Variants in MICALL1 observed in about 807,000 individuals in gnomAD.
MICALL1 encodes MICAL-like protein 1.
In MICALL1, 61 loss-of-function variants were observed where a neutral mutation model predicts 83.7. That is an observed-to-expected ratio of 0.73 (90% CI 0.59 to 0.90). The LOEUF (loss-of-function observed/expected upper bound fraction) is 0.90, where lower values mean the gene tolerates loss of function less well. Ranked by LOEUF, MICALL1 falls within the 40% of genes least tolerant of loss-of-function variation. MICALL1 has a pLI of 0.00. For missense variants in MICALL1, 1,066 were observed against 1,152.0 expected, an observed-to-expected ratio of 0.93 and a Z score of 1.08; for synonymous variants, 481 against 473.6, an observed-to-expected ratio of 1.02 and a Z score of -0.20.
intron 6 of MICALL1, among the ~76,000 whole-genome samples, chr22:37,923,390 C>G (rs528901132): frequency 2.6e-5 from 4 of 151,534 alleles, no homozygotes; most frequent in African/African-American, 4.8e-5. Flanking sequence ...CTATGTCTGG[C>G]TAATTTTTGT....
chr22:37,917,780 A>T lies in MICALL1; in HGVS notation c.411A>T (p.Pro137=), dbSNP rs140198916. 7.6e-4 allele frequency: 1,229 copies of T among 1,613,768 alleles called. 8 individuals carry two copies. In the African/African-American group the frequency reaches 0.015, roughly 20 times the overall value. The change falls in exon 4 of 16, where the codon CCA becomes CCT. Residue 137 remains proline (P), a synonymous_variant. Coordinates refer to ENST00000215957, the MANE Select transcript of MICALL1 (RefSeq NM_033386.4). ...CTGTAGCACCCACTCCAGTGGAACCAGAAGATGTGGCTCAGGTAGGCAGAT... is the reference window on the plus strand; with the variant it reads ...CTGTAGCACCCACTCCAGTGGAACCTGAAGATGTGGCTCAGGTAGGCAGAT... ...PPSVAPTPVE[P]EDVAQGEELS...
At chr22:37,918,452 G>C (rs1928813184) in intron 4 of MICALL1, among the ~76,000 whole-genome samples, 1 of 152,214 alleles carries the variant, frequency 6.6e-6, no homozygotes, top group Non-Finnish European at 1.5e-5. Flanking sequence ...GCTAGCCCCA[G>C]GGTGGGTGCT....
rs1290458946 is a variant in MICALL1, at chr22:37,932,547, G to C, written c.2017-6G>C. On this transcript the variant is annotated splice_region_variant and splice_polypyrimidine_tract_variant and intron_variant, in intron 10 of 15. Coordinates refer to ENST00000215957, the MANE Select transcript of MICALL1 (RefSeq NM_033386.4). This position sits in a 1 kb window ranked among gnomAD's most constrained non-coding sequence, Gnocchi z 4.4. ...GGCCGTCAGGTGACCAGGCACTGTTGGGCAGGTCCAGGCTGACCAGTACAT... is the reference window on the plus strand; with the variant it reads ...GGCCGTCAGGTGACCAGGCACTGTTCGGCAGGTCCAGGCTGACCAGTACAT... 3.7e-6 allele frequency: 6 copies of C among 1,613,784 alleles called. No individual in the cohort carries two copies. The East Asian group carries it at 1.3e-4, about 36-fold the overall frequency.
At chr22:37,915,320 AC>A (rs1399674544) in intron 3 of MICALL1, among the ~76,000 whole-genome samples, 2 of 152,208 alleles carry the variant, frequency 1.3e-5, no homozygotes, top group African/African-American at 2.4e-5. Context: ...AATGTCTTAT[AC>A]CCCTTCCCCC....
At position 37,925,882 on chromosome 22, in the gene MICALL1, A is replaced by G; in HGVS notation, c.1304A>G (p.Glu435Gly). 1 of 1,613,518 alleles carries G rather than the reference A, an allele frequency of 6.2e-7. No individual in the cohort carries two copies. Among genetic ancestry groups the G allele is most frequent in the Non-Finnish European group, 8.5e-7 (1 of 1,179,790 alleles). Reference protein sequence around the residue: ...NPFEEEEEDKEEEAPAAPSLA... With the variant: ...NPFEEEEEDKGEEAPAAPSLA... ...TTTGAGGAGGAGGAGGAGGACAAGGAGGAAGAGGCTCCAGCTGCACCCAGC... is the reference window on the plus strand; with the variant it reads ...TTTGAGGAGGAGGAGGAGGACAAGGGGGAAGAGGCTCCAGCTGCACCCAGC... Residue 435 changes from glutamate to glycine, a missense_variant, in exon 8 of 16, where the codon GAG (glutamate) becomes GGG (glycine). Glu to Gly is a moderately conservative substitution (Grantham distance 98). Coordinates refer to ENST00000215957, the MANE Select transcript of MICALL1 (RefSeq NM_033386.4).
At chr22:37,910,326 C>G (rs1479891095) in intron 1 of MICALL1, among the ~76,000 whole-genome samples, 1 of 152,032 alleles carries the variant, frequency 6.6e-6, no homozygotes, top group Admixed American at 6.6e-5. Flanking sequence ...GAATGTGACC[C>G]CAGCCTTCTT....
chr22:37,937,930 G>A, intron 15 of MICALL1, 138 bp downstream of exon 15: 1 of 1,043,526 alleles, frequency 9.6e-7, no homozygotes, highest in Non-Finnish European at 1.4e-6. Flanking sequence ...CCTCTGTTGT[G>A]CAGAGAGGGC....
chr22:37,925,863 G>T lies in MICALL1; in HGVS notation c.1285G>T (p.Glu429Ter). 1 of 1,613,770 alleles carries T rather than the reference G, an allele frequency of 6.2e-7. No homozygotes were observed. The highest frequency in any genetic ancestry group is 8.5e-7 in the Non-Finnish European group (1 of 1,179,926). The change falls in exon 8 of 16, where the codon GAG becomes TAG. Residue 429 changes from glutamate to a stop codon, truncating the protein, a stop_gained. Transcript: ENST00000215957. LOFTEE classifies it high-confidence loss of function. ...LESKPYNPFE[E>*]EEEDKEEEAP... ...GTCCAAACCCTATAACCCCTTTGAG[G>T]AGGAGGAGGAGGACAAGGAGGAAGA...
At position 37,927,391 on chromosome 22, in the gene MICALL1, C is replaced by G; in HGVS notation, c.1466-20C>G. On this transcript the variant is annotated intron_variant, in intron 8 of 15. Coordinates refer to ENST00000215957, the MANE Select transcript of MICALL1 (RefSeq NM_033386.4). ...TTGTGGTGCTCCCCTTGTGAGGTGT[C>G]CTGGTGCTCGTCCGCACAGCTCTCC... The G allele has an allele frequency of 6.5e-7, 1 of 1,547,958 alleles. No homozygotes were observed. Among genetic ancestry groups the G allele is most frequent in the Non-Finnish European group, 8.7e-7 (1 of 1,147,736 alleles).
intron 13 of MICALL1, among the ~76,000 whole-genome samples, chr22:37,936,442 G>A (rs1331152649): frequency 6.6e-6 from 1 of 152,244 alleles, no homozygotes; most frequent in Non-Finnish European, 1.5e-5. Context: ...GTGAACATTT[G>A]TTGAATGGAT....
chr22:37,919,251 G>A lies in MICALL1; in HGVS notation c.569+73G>A, dbSNP rs921982170. 1.2e-5 allele frequency: 17 copies of A among 1,400,090 alleles called. 1 individual carries two copies. The highest frequency in any genetic ancestry group is 9.6e-5 in the South Asian group (6 of 62,778). 86.7% of individuals were successfully genotyped at this position (1,400,090 alleles called of 1,614,324 possible). Reference sequence around the variant, plus strand: ...ACCGTGGGTTCAGCACACACAGTGCGCCAGGCACCTTGCCAGGCCCTTCAC... The same window carrying A: ...ACCGTGGGTTCAGCACACACAGTGCACCAGGCACCTTGCCAGGCCCTTCAC... On this transcript the variant is annotated intron_variant, in intron 5 of 15. Transcript: ENST00000215957.
At chr22:37,933,238 G>A in intron 13 of MICALL1, 126 bp downstream of exon 13, 1 of 961,546 alleles carries the variant, frequency 1.0e-6, no homozygotes, top group East Asian at 2.6e-5. Context: ...GCCAGAGGAG[G>A]AGGTGCGGGG....
chr22:37,931,401 A>G (rs1182197751), intron 9 of MICALL1, among the ~76,000 whole-genome samples: 1 of 152,128 alleles, frequency 6.6e-6, no homozygotes, highest in East Asian at 1.9e-4. Context: ...GTAAATACAA[A>G]AAATTAGCCA....
Position 37,927,788 on chromosome 22 carries a change from C to T in MICALL1, c.1843C>T (p.Pro615Ser). ...GTTGGTTGGAGACAGGAGCCCGGTG[C>T]CTTCCCCTGGAAGCTCGTCCCCACA... The part of the protein sequence containing the change: ...LLLVGDRSPV[P>S]SPGSSSPQLQ... The change falls in exon 9 of 16, where the codon CCT becomes TCT. Residue 615 changes from proline to serine, a missense_variant. Coordinates refer to ENST00000215957, the MANE Select transcript of MICALL1 (RefSeq NM_033386.4). The T allele has an allele frequency of 6.2e-7, 1 of 1,611,690 alleles. No homozygotes were observed. The highest frequency in any genetic ancestry group is 2.2e-5 in the East Asian group (1 of 44,826).
Position 37,925,991 on chromosome 22 carries a change from C to T in MICALL1, c.1413C>T (p.Ser471=), listed in dbSNP as rs1470450885. The part of the protein sequence containing the change: ...HPWYGITPTS[S]PKTKKRPAPR... ...GGTACGGCATCACCCCTACCAGCAG[C>T]CCCAAGACAAAGAAGCGCCCTGCCC... The change falls in exon 8 of 16, where the codon AGC becomes AGT. Residue 471 remains serine (S), a synonymous_variant. Coordinates refer to ENST00000215957, the MANE Select transcript of MICALL1 (RefSeq NM_033386.4). The T allele has an allele frequency of 6.2e-7, 1 of 1,613,634 alleles. No homozygotes were observed. Among genetic ancestry groups the T allele is most frequent in the Admixed American group, 1.7e-5 (1 of 59,976 alleles).
intron 14 of MICALL1, 32 bp downstream of exon 14, chr22:37,937,226 G>A: frequency 2.0e-6 from 3 of 1,500,190 alleles, no homozygotes; most frequent in Non-Finnish European, 2.7e-6. Context: ...GGTCCTGGGG[G>A]CAGGGCCAGA....
chr22:37,926,147 C>A, intron 8 of MICALL1, 104 bp downstream of exon 8: 1 of 1,369,786 alleles, frequency 7.3e-7, no homozygotes, highest in Non-Finnish European at 9.8e-7. Context: ...CCAGGCACCA[C>A]GTGTTTCATG....
Position 37,922,100 on chromosome 22 carries a change from C to T in MICALL1, c.698C>T (p.Pro233Leu). Residue 233 changes from proline to leucine, a missense_variant, in exon 6 of 16, where the codon CCC becomes CTC. Coordinates refer to ENST00000215957, the MANE Select transcript of MICALL1 (RefSeq NM_033386.4). The part of the protein sequence containing the change: ...PGTRSGTRPG[P>L]FSQPKQQHQQ... The stretch of plus-strand genomic sequence containing the variant: ...ACACGGTCGGGGACCAGGCCTGGGC[C>T]CTTCTCACAGCCAAAGCAGCAGCAC... 2 of 1,613,356 alleles carry T rather than the reference C, an allele frequency of 1.2e-6. No individual in the cohort carries two copies. Among genetic ancestry groups the T allele is most frequent in the Non-Finnish European group, 1.7e-6 (2 of 1,180,004 alleles).
Position 37,934,551 on chromosome 22 carries a change from A to G in MICALL1, c.2308+1439A>G, listed in dbSNP as rs1441250985. ...AAGGGGCAGTGGCTGAGGGGGCTTC[A>G]GGATATTTATTTATTTATTTTGGGG... On this transcript the variant is annotated intron_variant, in intron 13 of 15. Transcript: ENST00000215957. 7.5e-5 allele frequency among the ~76,000 whole-genome samples: 11 copies of G among 146,718 alleles called. No individual in the cohort carries two copies. In the Admixed American group the frequency reaches 7.6e-4, roughly 10 times the overall value.
Sources: gnomAD v4.1 joint callset for allele counts (sites outside exome capture counted in the v4.1 genomes callset) on GRCh38, gnomAD v4.1.1 for gene constraint, Gnocchi (gnomAD v3.1) non-coding constraint, MANE v1.5 for transcripts, NCBI Gene and HGNC (gene_info 2026-07-23, HGNC 2026-07-21) for gene names.